C8orf34: variants seen among roughly 807,000 people sequenced by gnomAD.
C8orf34 encodes the protein chromosome 8 open reading frame 34.
Under a neutral mutation model 68.3 loss-of-function variants are expected in C8orf34, and 65 were observed. That is an observed-to-expected ratio of 0.95 (90% CI 0.78 to 1.17). C8orf34 has a LOEUF of 1.17. Ranked by LOEUF, C8orf34 falls within the 50% of genes most tolerant of loss-of-function variation. The pLI is 0.00. For missense variants in C8orf34, 664 were observed against 655.4 expected, an observed-to-expected ratio of 1.01 and a Z score of -0.14; for synonymous variants, 244 against 241.2, an observed-to-expected ratio of 1.01 and a Z score of -0.11.
chr8:68,584,375 C>T (rs544092841), intron 7 of C8orf34, among the ~76,000 whole-genome samples: 2 of 152,220 alleles, frequency 1.3e-5, no homozygotes, highest in East Asian at 1.9e-4. Context: ...TATTCCATTC[C>T]ATATGGATAT....
At chr8:68,458,145 C>CA (rs932294534) in intron 3 of C8orf34, among the ~76,000 whole-genome samples, 1 of 152,150 alleles carries the variant, frequency 6.6e-6, no homozygotes, top group Non-Finnish European at 1.5e-5. Flanking sequence ...TCACAAGCTA[C>CA]AAAAACATCA....
intron 1 of C8orf34, among the ~76,000 whole-genome samples, chr8:68,407,000 T>A (rs1486757476): frequency 6.6e-6 from 1 of 152,126 alleles, no homozygotes; most frequent in African/African-American, 2.4e-5. Context: ...GATGCTGAGG[T>A]GGCTGGAGCA....
At chr8:68,372,067 A>G (rs1247621719) in intron 1 of C8orf34, among the ~76,000 whole-genome samples, 7 of 152,228 alleles carry the variant, frequency 4.6e-5, no homozygotes, top group East Asian at 1.9e-4. Context: ...TTAGTATTAT[A>G]ATTTCCACTG....
chr8:68,345,695 A>G (rs1472565518), intron 1 of C8orf34, among the ~76,000 whole-genome samples: 1 of 152,022 alleles, frequency 6.6e-6, no homozygotes, highest in Admixed American at 6.6e-5. Flanking sequence ...ACATACATAT[A>G]TATACATATA....
intron 10 of C8orf34, among the ~76,000 whole-genome samples, chr8:68,730,254 G>A (rs1057003559): frequency 6.6e-6 from 1 of 152,134 alleles, no homozygotes. Context: ...GCGGCTAATT[G>A]TAGCAATGAA....
chr8:68,566,849 G>T (rs1023634908), intron 7 of C8orf34, among the ~76,000 whole-genome samples: 1 of 152,140 alleles, frequency 6.6e-6, no homozygotes, highest in African/African-American at 2.4e-5. Flanking sequence ...AGGGATGCTG[G>T]ATTTTGTTGA....
At chr8:68,612,631 C>T (rs1818056667) in intron 7 of C8orf34, among the ~76,000 whole-genome samples, 1 of 152,154 alleles carries the variant, frequency 6.6e-6, no homozygotes, top group Non-Finnish European at 1.5e-5. Flanking sequence ...ATTTATTAAA[C>T]ATCTATCATA....
At chr8:68,715,972 A>G (rs1008764283) in intron 9 of C8orf34, among the ~76,000 whole-genome samples, 1 of 152,208 alleles carries the variant, frequency 6.6e-6, no homozygotes, top group Non-Finnish European at 1.5e-5. Flanking sequence ...ACACCATGAA[A>G]TACTACTCAA....
intron 6 of C8orf34, among the ~76,000 whole-genome samples, chr8:68,528,305 A>T (rs1815099767): frequency 6.6e-6 from 1 of 152,060 alleles, no homozygotes; most frequent in Non-Finnish European, 1.5e-5. Context: ...CATGATGTCA[A>T]TTTCAGGCAT....
In C8orf34 at chr8:68,592,596, CTTTTT is replaced by C. The variant is rs869214252; in HGVS notation, c.1106-47761_1106-47757del. On this transcript the variant is annotated intron_variant, in intron 7 of 13. Coordinates refer to ENST00000518698, the MANE Select transcript of C8orf34 (RefSeq NM_052958.4). ...ACTGCAGTTTATCAATTTATCTCTTCTTTTTTTTTTTTTTTTTTTTTTTGAGATGG... is the reference window on the plus strand; with the variant it reads ...ACTGCAGTTTATCAATTTATCTCTTCTTTTTTTTTTTTTTTTTTGAGATGG... 6.3e-3 allele frequency among the ~76,000 whole-genome samples: 168 copies of C among 26,486 alleles called. 1 individual carries two copies. Among genetic ancestry groups the C allele is most frequent in the Middle Eastern group, 0.029 (1 of 34 alleles). The allele number at this position is 26,486 out of a possible 152,430, so 17.4% of individuals were successfully genotyped here. A position where few individuals can be genotyped will look rare whatever the true frequency, so the allele number is the denominator to read the frequency against.
At chr8:68,514,622 C>T (rs562507325) in intron 5 of C8orf34, among the ~76,000 whole-genome samples, 1 of 152,270 alleles carries the variant, frequency 6.6e-6, no homozygotes, top group East Asian at 1.9e-4. Context: ...TGAGTGTTTT[C>T]AGAATATCCA....
intron 8 of C8orf34, among the ~76,000 whole-genome samples, chr8:68,686,303 A>G (rs1820516708): frequency 1.3e-5 from 2 of 152,090 alleles, no homozygotes; most frequent in Admixed American, 1.3e-4. Flanking sequence ...TCACCCTAAT[A>G]CTGAAACCAG....
chr8:68,627,375 G>A (rs544697806), intron 7 of C8orf34, among the ~76,000 whole-genome samples: 4 of 152,090 alleles, frequency 2.6e-5, no homozygotes, highest in Admixed American at 1.3e-4. Context: ...CTTACAATGT[G>A]TTGCACTTCA....
At chr8:68,426,693 C>A (rs897728685) in intron 1 of C8orf34, among the ~76,000 whole-genome samples, 1 of 151,206 alleles carries the variant, frequency 6.6e-6, no homozygotes, top group Non-Finnish European at 1.5e-5. Flanking sequence ...AATGGTGAAA[C>A]CCTATCTCTA....
intron 8 of C8orf34, among the ~76,000 whole-genome samples, chr8:68,682,313 T>C (rs550182834): frequency 1.6e-4 from 25 of 152,268 alleles, no homozygotes; most frequent in Middle Eastern, 3.4e-3. Flanking sequence ...TATCAAAATA[T>C]CTCATGTACC....
chr8:68,650,910 C>G (rs1178706936), intron 8 of C8orf34, among the ~76,000 whole-genome samples: 1 of 152,178 alleles, frequency 6.6e-6, no homozygotes. Flanking sequence ...TAGCCCTGTT[C>G]TATTGGCACA....
chr8:68,565,690 G>A (rs1157576032), intron 7 of C8orf34, among the ~76,000 whole-genome samples: 6 of 152,080 alleles, frequency 3.9e-5, no homozygotes, highest in African/African-American at 7.2e-5. Context: ...TCATCATAAC[G>A]TTGCTTAAGG....
rs546736161 is a variant in C8orf34, at chr8:68,601,199, A to T, written c.1106-39177A>T. Reference sequence around the variant, plus strand: ...CTTTCAATACTTTTTTTTAGTTTTTATAAATATAATTATTTTGTGTCTTGG... The same window carrying T: ...CTTTCAATACTTTTTTTTAGTTTTTTTAAATATAATTATTTTGTGTCTTGG... On this transcript the variant is annotated intron_variant, in intron 7 of 13. Transcript: ENST00000518698. 3.3e-5 allele frequency among the ~76,000 whole-genome samples: 5 copies of T among 152,032 alleles called. 1 individual carries two copies. Among genetic ancestry groups the T allele is most frequent in the African/African-American group, 1.2e-4 (5 of 41,506 alleles).
At chr8:68,789,185 A>T (rs1230210371) in intron 12 of C8orf34, among the ~76,000 whole-genome samples, 1 of 152,216 alleles carries the variant, frequency 6.6e-6, no homozygotes, top group East Asian at 1.9e-4. Context: ...TCATGTTAAA[A>T]AAAACCTTCA....
Sources: allele counts gnomAD v4.1 joint callset (sites outside exome capture counted in the v4.1 genomes callset), GRCh38; gene constraint gnomAD v4.1.1; transcripts MANE v1.5; gene names NCBI Gene and HGNC (gene_info 2026-07-23, HGNC 2026-07-21).